Variants in ATP9A observed in about 807,000 individuals in gnomAD.
The protein encoded by ATP9A is probable phospholipid-transporting ATPase IIA.
ATP9A carries 52 observed loss-of-function variants against 144.1 expected under a neutral mutation model. The observed-to-expected ratio is 0.36, with a 90% CI of 0.29 to 0.45. The LOEUF (loss-of-function observed/expected upper bound fraction) is 0.45, where lower values mean the gene tolerates loss of function less well. ATP9A is among the 20% of genes least tolerant of loss of function. The pLI is 1.00. For synonymous variants in ATP9A, 582 were observed against 557.4 expected (o/e 1.04, Z -0.62); for missense variants, 947 against 1,392.7 (o/e 0.68, Z 5.09).
At chr20:51,767,314 A>C (rs2077909240) in intron 1 of ATP9A, among the ~76,000 whole-genome samples, 1 of 152,106 alleles carries the variant, frequency 6.6e-6, no homozygotes, top group African/African-American at 2.4e-5. Flanking sequence ...GGAGCTGCAC[A>C]TCTCCAGGCC....
rs146020787 is a variant in ATP9A at position 51,694,030 on chromosome 20, G to A, written c.620C>T (p.Thr207Met). 20 of 1,613,638 alleles carry A rather than the reference G, an allele frequency of 1.2e-5. No individual in the cohort carries two copies. Among genetic ancestry groups the A allele is most frequent in the Middle Eastern group, 1.6e-4 (1 of 6,080 alleles). ...CACGGCGGCCGTGGGGAGCCTCTGCGTGCAGGCCACGGGAAGCCGCAGCTT... is the reference window on the plus strand; with the variant it reads ...CACGGCGGCCGTGGGGAGCCTCTGCATGCAGGCCACGGGAAGCCGCAGCTT... ...DWKLRLPVACTQRLPTAADLL... is the reference protein window; with the variant it reads ...DWKLRLPVACMQRLPTAADLL... The change falls in exon 7 of 28, where the codon ACG (threonine) becomes ATG (methionine). Residue 207 changes from threonine to methionine, a missense_variant. By Grantham distance (81) the Thr-to-Met change is moderately conservative. This residue lies in a region of ATP9A where 770 missense variants were observed against 1,047.9 expected (regional missense o/e 0.73). Coordinates refer to ENST00000338821, the MANE Select transcript of ATP9A (RefSeq NM_006045.3).
chr20:51,686,941 T>A (rs1244985943), intron 9 of ATP9A, among the ~76,000 whole-genome samples: 2 of 150,474 alleles, frequency 1.3e-5, no homozygotes, highest in African/African-American at 4.9e-5. Flanking sequence ...TTTTTTTTTT[T>A]AAGCCAACTA....
At chr20:51,663,340 A>G (rs973049172) in intron 13 of ATP9A, among the ~76,000 whole-genome samples, 5 of 152,216 alleles carry the variant, frequency 3.3e-5, no homozygotes, top group Non-Finnish European at 7.3e-5. Context: ...CTGCCGAATG[A>G]TATGAATACA....
At chr20:51,612,706 T>C (rs2077189249) in intron 23 of ATP9A, among the ~76,000 whole-genome samples, 1 of 152,220 alleles carries the variant, frequency 6.6e-6, no homozygotes, top group South Asian at 2.1e-4. Context: ...ATTACAGGCA[T>C]GAGCCACTGC....
At chr20:51,667,450 A>G (rs904784905) in intron 13 of ATP9A, among the ~76,000 whole-genome samples, 3 of 152,178 alleles carry the variant, frequency 2.0e-5, no homozygotes, top group Non-Finnish European at 2.9e-5. Context: ...AATCCAATCA[A>G]TGAGCCCCCC....
intron 1 of ATP9A, chr20:51,734,635 A>G (rs892988691): frequency 6.6e-6 from 1 of 152,270 alleles, no homozygotes; most frequent in Admixed American, 6.6e-5. Context: ...GGTTTTTTTA[A>G]GAAGAAATTT....
intron 14 of ATP9A, among the ~76,000 whole-genome samples, chr20:51,650,580 C>T (rs940052510): frequency 7.9e-5 from 12 of 151,682 alleles, no homozygotes; most frequent in African/African-American, 1.9e-4. Flanking sequence ...TTTAATGAAG[C>T]GTGAGGGTAA....
At chr20:51,616,798 G>A (rs1469920226) in intron 22 of ATP9A, among the ~76,000 whole-genome samples, 1 of 152,098 alleles carries the variant, frequency 6.6e-6, no homozygotes, top group African/African-American at 2.4e-5. Flanking sequence ...AAGGCCTTTT[G>A]GTGAGAAGTG....
At chr20:51,731,718 C>T (rs992297346) in intron 1 of ATP9A, among the ~76,000 whole-genome samples, 2 of 143,442 alleles carry the variant, frequency 1.4e-5, no homozygotes, top group Non-Finnish European at 3.0e-5. Flanking sequence ...GACTCCATCT[C>T]CAAAAAAAAA....
At chr20:51,750,148 T>G (rs1049729119) in intron 1 of ATP9A, among the ~76,000 whole-genome samples, 5 of 152,096 alleles carry the variant, frequency 3.3e-5, no homozygotes, top group Non-Finnish European at 7.4e-5. Flanking sequence ...AAAGCAAGAC[T>G]CCGTCTCCAA....
At chr20:51,624,903 G>C (rs1294192885) in intron 18 of ATP9A, among the ~76,000 whole-genome samples, 2 of 151,058 alleles carry the variant, frequency 1.3e-5, no homozygotes, top group Non-Finnish European at 2.9e-5. Flanking sequence ...TACTAGGGAG[G>C]ATGAGGCACA....
At chr20:51,698,554 G>A (rs566873438) in intron 4 of ATP9A, among the ~76,000 whole-genome samples, 1 of 152,290 alleles carries the variant, frequency 6.6e-6, no homozygotes, top group Non-Finnish European at 1.5e-5. Context: ...CCTGCTGTAT[G>A]CCAGGCGTTC....
At chr20:51,665,182 T>C (rs986101129) in intron 13 of ATP9A, among the ~76,000 whole-genome samples, 1 of 148,912 alleles carries the variant, frequency 6.7e-6, no homozygotes, top group Non-Finnish European at 1.5e-5. Context: ...ATTCTATTTA[T>C]AGGCAATGTT....
chr20:51,607,445 CTTCTT>C, intron 26 of ATP9A, 77 bp downstream of exon 26: 2 of 1,301,948 alleles, frequency 1.5e-6, no homozygotes, highest in East Asian at 4.7e-5. Context: ...CGTTTCTTCT[CTTCTT>C]GTTCTACAGG....
intron 1 of ATP9A, among the ~76,000 whole-genome samples, chr20:51,766,065 TC>T (rs2077902559): frequency 6.6e-6 from 1 of 152,184 alleles, no homozygotes; most frequent in Non-Finnish European, 1.5e-5. Context: ...TCTGCACCAC[TC>T]CCTCTGGCTC....
chr20:51,603,396 C>A (rs2077150578), intron 27 of ATP9A, among the ~76,000 whole-genome samples: 1 of 152,186 alleles, frequency 6.6e-6, no homozygotes, highest in Non-Finnish European at 1.5e-5. Flanking sequence ...ATCCACAGCA[C>A]AACACAGAAA....
At chr20:51,742,249 C>CG (rs913412240) in intron 1 of ATP9A, among the ~76,000 whole-genome samples, 1 of 150,364 alleles carries the variant, frequency 6.7e-6, no homozygotes, top group Admixed American at 6.7e-5. Context: ...TGCTTGAGCC[C>CG]GGGAAGTCGA....
chr20:51,740,978 C>T (rs993690901), intron 1 of ATP9A, among the ~76,000 whole-genome samples: 2 of 145,842 alleles, frequency 1.4e-5, no homozygotes, highest in Non-Finnish European at 3.0e-5. Context: ...TCCACCTTGG[C>T]GGCTTCTACC....
intron 4 of ATP9A, among the ~76,000 whole-genome samples, chr20:51,700,941 G>A (rs557059175): frequency 6.6e-6 from 1 of 152,112 alleles, no homozygotes; most frequent in Non-Finnish European, 1.5e-5. Flanking sequence ...TCCACTAGGG[G>A]GCAAAAGGAA....
Sources: allele counts gnomAD v4.1 joint callset (sites outside exome capture counted in the v4.1 genomes callset), GRCh38; gene constraint gnomAD v4.1.1; regional missense constraint gnomAD v4.1.1; transcripts MANE v1.5; gene names NCBI Gene and HGNC (gene_info 2026-07-23, HGNC 2026-07-21).